CD1A: variants seen among roughly 807,000 people sequenced by gnomAD.
The protein encoded by CD1A is T-cell surface glycoprotein CD1a.
Under a neutral mutation model 38.3 loss-of-function variants are expected in CD1A, and 50 were observed. The ratio of observed to expected loss-of-function variants is 1.30; its 90% confidence interval spans 1.04 to 1.65. The LOEUF (loss-of-function observed/expected upper bound fraction) is 1.65, where lower values mean the gene tolerates loss of function less well. Ranked by LOEUF, CD1A falls within the 40% of genes most tolerant of loss-of-function variation. CD1A has a pLI of 0.00. For missense variants in CD1A, 459 were observed against 406.1 expected, an observed-to-expected ratio of 1.13 and a Z score of -1.12; for synonymous variants, 160 against 150.8, an observed-to-expected ratio of 1.06 and a Z score of -0.45.
In CD1A at chr1:158,256,793, C is replaced by T. The variant is rs138701701; in HGVS notation, c.612C>T (p.Pro204=). 2,222 of 1,613,896 alleles carry T rather than the reference C, an allele frequency of 1.4e-3. 53 individuals are homozygous for T. The South Asian group carries it at 0.023, about 16-fold the overall frequency. ...CTTTTCTGTCCTTTGCAGTGAAGCC[C>T]GAGGCCTGGCTGTCCCATGGCCCCA... The part of the protein sequence containing the change: ...GKAHLQRQVK[P]EAWLSHGPSP... Residue 204 remains proline (P), a synonymous_variant, in exon 4 of 6, where the codon CCC becomes CCT. Coordinates refer to ENST00000289429, the MANE Select transcript of CD1A (RefSeq NM_001763.3).
chr1:158,250,292 G>A (rs1005531773), upstream of CD1A, among the ~76,000 whole-genome samples: 44 of 152,102 alleles, frequency 2.9e-4, no homozygotes, highest in African/African-American at 5.6e-4. Context: ...TGAAGTGATG[G>A]GAGCCAAGAC....
chr1:158,257,409 C>G lies in CD1A; in HGVS notation c.884-12C>G. 3 of 1,605,206 alleles carry G rather than the reference C, an allele frequency of 1.9e-6. No homozygotes were observed. Among genetic ancestry groups the G allele is most frequent in the Non-Finnish European group, 2.6e-6 (3 of 1,171,860 alleles). On this transcript the variant is annotated splice_polypyrimidine_tract_variant and intron_variant, in intron 4 of 5. Transcript: ENST00000289429. The stretch of plus-strand genomic sequence containing the variant: ...GGATTATAACATCCTTGGTGTCTCC[C>G]CAAATTCACAGAGCATCACAGTTCC...
intron 3 of CD1A, 82 bp from the exon 4 acceptor site, chr1:158,256,704 A>G (rs1650268353): frequency 6.8e-7 from 1 of 1,478,230 alleles, no homozygotes; most frequent in South Asian, 1.3e-5. Flanking sequence ...AATGGGAACA[A>G]TGTGTCTATC....
intron 1 of CD1A, 56 bp downstream of exon 1, chr1:158,254,783 CTCTGTGTG>C (rs773694508): frequency 3.4e-4 from 309 of 916,416 alleles, no homozygotes; most frequent in African/African-American, 1.1e-3. Flanking sequence ...CTCTCTCTCT[CTCTGTGTG>C]TGTGTGTGTG....
intron 2 of CD1A, among the ~76,000 whole-genome samples, 173 bp downstream of exon 2, chr1:158,255,523 C>A (rs529892695): frequency 6.6e-6 from 1 of 152,282 alleles, no homozygotes; most frequent in African/African-American, 2.4e-5. Context: ...GACCTTAATT[C>A]TCCAAACACT....
At chr1:158,253,998 GA>G, upstream of CD1A, 2 of 141,738 alleles carry the variant, frequency 1.4e-5, no homozygotes, top group African/African-American at 6.3e-5. Flanking sequence ...TCAAACAGAG[GA>G]AATTTTCTTT....
Position 158,257,802 on chromosome 1 carries a change from C to A in CD1A, c.*112C>A. On this transcript the variant is annotated 3_prime_UTR_variant, in exon 6 of 6. Coordinates refer to ENST00000289429, the MANE Select transcript of CD1A (RefSeq NM_001763.3). ...GTGATGATGACGTCCTCTCAACTCTCTTTGTAAAAATTTTGTTATTTTTGC... is the reference window on the plus strand; with the variant it reads ...GTGATGATGACGTCCTCTCAACTCTATTTGTAAAAATTTTGTTATTTTTGC... 3 of 909,178 alleles carry A rather than the reference C, an allele frequency of 3.3e-6. No individual in the cohort carries two copies. The highest frequency in any genetic ancestry group is 5.2e-6 in the Non-Finnish European group (3 of 571,484). 56.3% of individuals were successfully genotyped at this position (909,178 alleles called of 1,614,324 possible).
chr1:158,257,441 T>A lies in CD1A; in HGVS notation c.904T>A (p.Phe302Ile). The A allele has an allele frequency of 6.2e-7, 1 of 1,614,086 alleles. No homozygotes were observed. The highest frequency in any genetic ancestry group is 8.5e-7 in the Non-Finnish European group (1 of 1,179,910). ...CACAGAGCATCACAGTTCCGTGGGC[T>A]TCATCATCTTGGCGGTGATAGTGCC... ...LYWEHHSSVGFIILAVIVPLL... is the reference protein window; with the variant it reads ...LYWEHHSSVGIIILAVIVPLL... The change falls in exon 5 of 6, where the codon TTC (phenylalanine) becomes ATC (isoleucine). Residue 302 changes from phenylalanine to isoleucine, a missense_variant. Physicochemically the swap from Phe to Ile is conservative, Grantham distance 21. Transcript: ENST00000289429.
At chr1:158,254,401 A>T, upstream of CD1A, 1 of 1,301,024 alleles carries the variant, frequency 7.7e-7, no homozygotes, top group Non-Finnish European at 9.8e-7. Context: ...GTTCCATAGC[A>T]GTTGAATTAG....
chr1:158,257,487 T>G lies in CD1A; in HGVS notation c.950T>G (p.Leu317Arg). 3.7e-6 allele frequency: 6 copies of G among 1,614,136 alleles called. No homozygotes were observed. The highest frequency in any genetic ancestry group is 5.1e-6 in the Non-Finnish European group (6 of 1,179,966). ...VIVPLLLLIG[L>R]ALWFRKRCFC ...GTGCCTTTACTTCTTCTGATAGGTC[T>G]TGCGCTTTGGTTCAGGAAACGCTGG... The change falls in exon 5 of 6, where the codon CTT becomes CGT. Residue 317 changes from leucine (L) to arginine (R), a missense_variant. By Grantham distance (102) the Leu-to-Arg change is moderately radical. Transcript: ENST00000289429.
At position 158,257,515 on chromosome 1, in the gene CD1A, A is replaced by T. The variant is rs1447992749; in HGVS notation, c.974+4A>T. On this transcript the variant is annotated splice_donor_region_variant and intron_variant, in intron 5 of 5. Transcript: ENST00000289429. ...CGCTTTGGTTCAGGAAACGCTGGTG[A>T]GTTCTTTGCATGTGTCTTTCCTACT... The T allele has an allele frequency of 6.2e-7, 1 of 1,611,996 alleles. No individual in the cohort carries two copies. Among genetic ancestry groups the T allele is most frequent in the South Asian group, 1.1e-5 (1 of 91,008 alleles).
At chr1:158,251,950 G>A (rs538008136), upstream of CD1A, among the ~76,000 whole-genome samples, 21 of 151,808 alleles carry the variant, frequency 1.4e-4, no homozygotes, top group Middle Eastern at 0.01. Context: ...TCCGCCTCCC[G>A]GGTTCAAGTA....
upstream of CD1A, among the ~76,000 whole-genome samples, chr1:158,253,108 T>A (rs550458214): frequency 3.0e-4 from 45 of 151,766 alleles, no homozygotes; most frequent in African/African-American, 9.2e-4. Context: ...AGAAAAAAAA[T>A]TTTTTCCCCC....
At position 158,257,669 on chromosome 1, in the gene CD1A, G is replaced by A. The variant is rs1468020583; in HGVS notation, c.975-12G>A. 1 of 1,613,564 alleles carries A rather than the reference G, an allele frequency of 6.2e-7. No homozygotes were observed. The highest frequency in any genetic ancestry group is 8.5e-7 in the Non-Finnish European group (1 of 1,179,836). The stretch of plus-strand genomic sequence containing the variant: ...CTTATTCAGAGTGACTTCTATCTCT[G>A]TTCTCATCCAGTTTCTGTTAAGACA... On this transcript the variant is annotated splice_polypyrimidine_tract_variant and intron_variant, in intron 5 of 5. Transcript: ENST00000289429.
Position 158,255,360 on chromosome 1 carries a change from G to A in CD1A, c.325+10G>A, listed in dbSNP as rs749308248. The A allele has an allele frequency of 6.2e-7, 1 of 1,612,446 alleles. No individual in the cohort carries two copies. Among genetic ancestry groups the A allele is most frequent in the Admixed American group, 1.7e-5 (1 of 60,010 alleles). ...GAATTGCAGTTTGAATGTGAGTTCAGTTTTCTCCATGGAGAGTGGTGAGGT... is the reference window on the plus strand; with the variant it reads ...GAATTGCAGTTTGAATGTGAGTTCAATTTTCTCCATGGAGAGTGGTGAGGT... On this transcript the variant is annotated intron_variant, in intron 2 of 5. Coordinates refer to ENST00000289429, the MANE Select transcript of CD1A (RefSeq NM_001763.3).
chr1:158,257,403 G>A lies in CD1A; in HGVS notation c.884-18G>A. ...TGGGATGGATTATAACATCCTTGGT[G>A]TCTCCCCAAATTCACAGAGCATCAC... is the stretch of plus-strand genomic sequence containing the variant. On this transcript the variant is annotated intron_variant, in intron 4 of 5. Transcript: ENST00000289429. 1 of 1,586,004 alleles carries A rather than the reference G, an allele frequency of 6.3e-7. No individual in the cohort carries two copies. Among genetic ancestry groups the A allele is most frequent in the African/African-American group, 1.3e-5 (1 of 74,450 alleles).
upstream of CD1A, chr1:158,254,098 GAAT>G (rs1650161453): frequency 1.2e-5 from 2 of 169,430 alleles, no homozygotes; most frequent in Non-Finnish European, 1.8e-5. Flanking sequence ...TCTTCTCTAA[GAAT>G]AATGGAGAAA....
chr1:158,253,484 A>T (rs534299597), upstream of CD1A, among the ~76,000 whole-genome samples: 2 of 152,218 alleles, frequency 1.3e-5, no homozygotes, highest in Non-Finnish European at 2.9e-5. Flanking sequence ...ACTGTATGAG[A>T]TTCTCATCTC....
intron 1 of CD1A, 146 bp from the exon 2 acceptor site, chr1:158,254,938 T>A (rs1306494378): frequency 2.2e-6 from 2 of 923,102 alleles, no homozygotes; most frequent in Non-Finnish European, 3.3e-6. Flanking sequence ...TGATAAGGCA[T>A]GGGACTGTGT....
Sources: allele counts gnomAD v4.1 joint callset (sites outside exome capture counted in the v4.1 genomes callset), GRCh38; gene constraint gnomAD v4.1.1; transcripts MANE v1.5; gene names NCBI Gene and HGNC (gene_info 2026-07-23, HGNC 2026-07-21).